Variants in TPD52 observed in about 807,000 individuals in gnomAD.
TPD52 encodes the protein prostate and colon associated protein.
Under a neutral mutation model 31.3 loss-of-function variants are expected in TPD52, and 17 were observed. The observed-to-expected ratio is 0.54, with a 90% confidence interval of 0.37 to 0.82. The LOEUF (loss-of-function observed/expected upper bound fraction) is 0.82, where lower values mean the gene tolerates loss of function less well. TPD52 is among the 40% of genes least tolerant of loss of function. The probability of loss-of-function intolerance (pLI) is 0.00; values close to 1 mark genes in which losing one functional copy is unlikely to be tolerated. For synonymous variants in TPD52, 83 were observed against 89.6 expected (o/e 0.93, Z 0.42); for missense variants, 212 against 240.1 (o/e 0.88, Z 0.77).
chr8:80,089,807 T>C (rs1463867603), intron 1 of TPD52, among the ~76,000 whole-genome samples: 2 of 152,252 alleles, frequency 1.3e-5, no homozygotes, highest in African/African-American at 2.4e-5. Flanking sequence ...GTTAAGTGTC[T>C]TGCCCTAGGC....
chr8:80,106,331 C>T (rs552542521), intron 1 of TPD52, among the ~76,000 whole-genome samples: 5 of 152,174 alleles, frequency 3.3e-5, no homozygotes, highest in African/African-American at 7.2e-5. Context: ...TGCTATCAAA[C>T]AGTAGGTTTA....
At chr8:80,059,460 TA>T (rs541490826) in intron 2 of TPD52, among the ~76,000 whole-genome samples, 1,110 of 32,170 alleles carry the variant, frequency 0.035, 13 homozygotes, top group Non-Finnish European at 0.072. Context: ...GATTAGATAT[TA>T]GAGTAAAGAT....
At chr8:80,138,342 T>C (rs1473360683) in intron 1 of TPD52, among the ~76,000 whole-genome samples, 1 of 152,202 alleles carries the variant, frequency 6.6e-6, no homozygotes, top group Non-Finnish European at 1.5e-5. Context: ...CCAACTGAAA[T>C]CTGATTTCAT....
intron 1 of TPD52, among the ~76,000 whole-genome samples, chr8:80,105,659 C>T (rs946200625): frequency 5.3e-5 from 8 of 151,664 alleles, no homozygotes; most frequent in Non-Finnish European, 8.8e-5. Context: ...CTGCTACAAA[C>T]CTTCTGGACT....
At chr8:80,050,729 A>C (rs1313271574) in intron 4 of TPD52, among the ~76,000 whole-genome samples, 1 of 152,232 alleles carries the variant, frequency 6.6e-6, no homozygotes, top group Non-Finnish European at 1.5e-5. Context: ...CTTTTGGTGT[A>C]AAGTATAACA....
chr8:80,171,489 A>G lies in TPD52; in HGVS notation c.-46T>C, dbSNP rs1586444253. The G allele has an allele frequency of 6.5e-7, 1 of 1,547,536 alleles. No homozygotes were observed. ...TGTCCTCTGCAGCACCCCCGCCTGC[A>G]GCCCGTCCCGGCTCGGATCGCCCGC... is the stretch of plus-strand genomic sequence containing the variant. On this transcript the variant is annotated 5_prime_UTR_variant, in exon 1 of 8. Transcript: ENST00000518937.
At chr8:80,093,913 T>A (rs1386178275) in intron 1 of TPD52, among the ~76,000 whole-genome samples, 2 of 150,702 alleles carry the variant, frequency 1.3e-5, no homozygotes, top group Admixed American at 6.7e-5. Flanking sequence ...TAGCCCATTA[T>A]CTTGAAACCA....
chr8:80,100,226 C>A (rs570457774), intron 1 of TPD52, among the ~76,000 whole-genome samples: 2 of 152,290 alleles, frequency 1.3e-5, no homozygotes, highest in East Asian at 3.9e-4. Context: ...CACACAGAAA[C>A]AAGCTCTGAA....
At chr8:80,098,935 A>G (rs1280873706) in intron 1 of TPD52, among the ~76,000 whole-genome samples, 1 of 152,192 alleles carries the variant, frequency 6.6e-6, no homozygotes, top group Non-Finnish European at 1.5e-5. Context: ...TCCAGCAACA[A>G]AAAACATTAG....
At chr8:80,165,914 A>G (rs1811679672) in intron 1 of TPD52, among the ~76,000 whole-genome samples, 2 of 152,210 alleles carry the variant, frequency 1.3e-5, no homozygotes, top group South Asian at 4.1e-4. Flanking sequence ...TTCCTCCCCT[A>G]CAAGGCAAAA....
chr8:80,135,299 G>A (rs1157578403), intron 1 of TPD52, among the ~76,000 whole-genome samples: 2 of 152,056 alleles, frequency 1.3e-5, no homozygotes, highest in African/African-American at 2.4e-5. Context: ...AGAGAAAAGT[G>A]GTCACACAGG....
chr8:80,065,733 G>GCACTATT lies in TPD52; in HGVS notation c.20-1147_20-1141dup, dbSNP rs148056015. 8.1e-3 allele frequency among the ~76,000 whole-genome samples: 1,228 copies of GCACTATT among 152,198 alleles called. 17 individuals carry two copies. The highest frequency in any genetic ancestry group is 0.027 in the African/African-American group (1,133 of 41,528). The stretch of plus-strand genomic sequence containing the variant: ...ACTCCAAAATGGCTCTGCATGAACA[G>GCACTATT]CACTATTGGTAATCTCATCTTTATT... On this transcript the variant is annotated intron_variant, in intron 1 of 7. Coordinates refer to ENST00000518937, the MANE Select transcript of TPD52 (RefSeq NM_001025253.3).
intron 1 of TPD52, among the ~76,000 whole-genome samples, chr8:80,073,247 T>C (rs183811276): frequency 4.5e-4 from 68 of 152,348 alleles, no homozygotes; most frequent in Middle Eastern, 6.8e-3. Context: ...TCTTTAACCA[T>C]TTCTAAGTGT....
At chr8:80,155,411 A>C (rs1414226050) in intron 1 of TPD52, among the ~76,000 whole-genome samples, 3 of 152,128 alleles carry the variant, frequency 2.0e-5, no homozygotes, top group Non-Finnish European at 2.9e-5. Context: ...GAGGGCAAAA[A>C]GGCATTTATG....
At chr8:80,161,772 C>G (rs544139476) in intron 1 of TPD52, among the ~76,000 whole-genome samples, 12 of 149,812 alleles carry the variant, frequency 8.0e-5, no homozygotes, top group African/African-American at 2.7e-4. Flanking sequence ...CTCTGTCACC[C>G]AGACTGGAGT....
At chr8:80,103,946 T>C (rs978405071) in intron 1 of TPD52, among the ~76,000 whole-genome samples, 4 of 152,020 alleles carry the variant, frequency 2.6e-5, no homozygotes, top group South Asian at 4.2e-4. Context: ...TACTTAAGAG[T>C]GTATGTGTAT....
chr8:80,160,139 C>T (rs1325941620), intron 1 of TPD52, among the ~76,000 whole-genome samples: 3 of 151,746 alleles, frequency 2.0e-5, no homozygotes, highest in African/African-American at 4.8e-5. Context: ...TGCAGTGAGC[C>T]ATGATTGCAC....
At chr8:80,070,407 C>T (rs1210398050) in intron 1 of TPD52, among the ~76,000 whole-genome samples, 2 of 152,102 alleles carry the variant, frequency 1.3e-5, no homozygotes. Context: ...GCACCAGGGA[C>T]TGGTTTCATG....
At position 80,042,529 on chromosome 8, in the gene TPD52, A is replaced by C. The variant is rs527324954; in HGVS notation, c.504+91T>G. The C allele has an allele frequency of 3.3e-4, 502 of 1,537,146 alleles. No individual in the cohort carries two copies. The African/African-American group carries it at 6.0e-3, about 18-fold the overall frequency. ...TTACATTCTTTAGATATTTTTAGAAAGAAATATTAATGTCAATGATTTTCG... is the reference window on the plus strand; with the variant it reads ...TTACATTCTTTAGATATTTTTAGAACGAAATATTAATGTCAATGATTTTCG... On this transcript the variant is annotated intron_variant, in intron 7 of 7. Coordinates refer to ENST00000518937, the MANE Select transcript of TPD52 (RefSeq NM_001025253.3).
Sources: allele counts gnomAD v4.1 joint callset (sites outside exome capture counted in the v4.1 genomes callset), GRCh38; gene constraint gnomAD v4.1.1; transcripts MANE v1.5; gene names NCBI Gene and HGNC (gene_info 2026-07-23, HGNC 2026-07-21).